The following RBFOX1 variants were observed in gnomAD, a reference collection of about 807,000 sequenced individuals.
RBFOX1 encodes RNA binding protein fox-1 homolog 1.
In RBFOX1, 8 loss-of-function variants were observed where a neutral mutation model predicts 57.7. The ratio of observed to expected loss-of-function variants is 0.14; its 90% CI spans 0.08 to 0.25. The LOEUF (loss-of-function observed/expected upper bound fraction) is 0.25, where lower values mean the gene tolerates loss of function less well. Ranked by LOEUF, RBFOX1 falls within the 10% of genes least tolerant of loss-of-function variation. The pLI is 1.00. For synonymous variants in RBFOX1, 326 were observed against 222.4 expected, an observed-to-expected ratio of 1.47 and a Z score of -4.15; for missense variants, 611 against 548.5, an observed-to-expected ratio of 1.11 and a Z score of -1.14.
intron 3 of RBFOX1, among the ~76,000 whole-genome samples, chr16:6,904,932 A>T (rs1198663796): frequency 6.6e-6 from 1 of 152,152 alleles, no homozygotes; most frequent in Non-Finnish European, 1.5e-5. Context: ...CAAAACTACA[A>T]TTTGCTGGGT....
At chr16:7,248,754 T>A (rs1283077189) in intron 4 of RBFOX1, among the ~76,000 whole-genome samples, 1 of 152,228 alleles carries the variant, frequency 6.6e-6, no homozygotes, top group Non-Finnish European at 1.5e-5. Flanking sequence ...TTATCATTAA[T>A]TGATTTTTCT....
chr16:6,141,275 C>G (rs9936388), intron 1 of RBFOX1, among the ~76,000 whole-genome samples: 4,781 of 152,278 alleles, frequency 0.031, 270 homozygotes, highest in African/African-American at 0.11. Flanking sequence ...CTCCCTAACA[C>G]TTTATGAGAT....
At chr16:7,709,278 C>A in intron 15 of RBFOX1, 147 bp downstream of exon 15, 2 of 941,538 alleles carry the variant, frequency 2.1e-6, no homozygotes, top group Non-Finnish European at 3.1e-6. Context: ...CCACATTAAT[C>A]CTCCCAGTAA....
intron 3 of RBFOX1, among the ~76,000 whole-genome samples, chr16:6,859,107 AAG>A (rs2142383638): frequency 4.1e-5 from 2 of 48,742 alleles, no homozygotes; most frequent in Non-Finnish European, 7.5e-5. Context: ...GTCCTAAAAA[AAG>A]TGTATATATA....
At chr16:6,107,720 T>TGG (rs2096398832) in intron 1 of RBFOX1, among the ~76,000 whole-genome samples, 3 of 79,374 alleles carry the variant, frequency 3.8e-5, no homozygotes, top group East Asian at 4.5e-4. Context: ...TGGATGGATT[T>TGG]GTGGGTGGGT....
At chr16:6,963,646 A>G (rs1317960866) in intron 3 of RBFOX1, among the ~76,000 whole-genome samples, 2 of 152,136 alleles carry the variant, frequency 1.3e-5, no homozygotes, top group African/African-American at 4.8e-5. Flanking sequence ...GCCAGAGATT[A>G]TGTGGGAGGG....
chr16:6,733,280 A>G (rs1434818660), intron 3 of RBFOX1, among the ~76,000 whole-genome samples: 1 of 152,148 alleles, frequency 6.6e-6, no homozygotes, highest in Non-Finnish European at 1.5e-5. Context: ...ATAGAAACAA[A>G]TATGACTTGG....
At chr16:7,421,915 A>G (rs752933318) in intron 4 of RBFOX1, among the ~76,000 whole-genome samples, 1 of 152,180 alleles carries the variant, frequency 6.6e-6, no homozygotes, top group Non-Finnish European at 1.5e-5. Context: ...TTCGGGTAGG[A>G]AGTGTACACA....
chr16:6,555,178 A>C (rs2097075266), intron 2 of RBFOX1, among the ~76,000 whole-genome samples: 1 of 152,156 alleles, frequency 6.6e-6, no homozygotes, highest in Non-Finnish European at 1.5e-5. Context: ...TACTCTTTTA[A>C]AATCAGGAGT....
At chr16:6,813,220 C>A (rs2089199417) in intron 3 of RBFOX1, among the ~76,000 whole-genome samples, 1 of 152,134 alleles carries the variant, frequency 6.6e-6, no homozygotes. Flanking sequence ...TGGCTAATTA[C>A]TGAAATTTAC....
At position 6,607,635 on chromosome 16, in the gene RBFOX1, C is replaced by G. The variant is rs191751716; in HGVS notation, c.-63-46968C>G. ...TTTCTCTCTCTTCTTCCTCCTCTAT[C>G]TCTCCTCTCTCTTTCTGTCTTCTTC... On this transcript the variant is annotated intron_variant, in intron 2 of 15. Coordinates refer to ENST00000550418, the MANE Select transcript of RBFOX1 (RefSeq NM_018723.4). Among the ~76,000 whole-genome samples, 52 of 151,940 alleles carry G rather than the reference C, an allele frequency of 3.4e-4. No individual in the cohort carries two copies. The Middle Eastern group carries it at 0.014, about 40-fold the overall frequency.
chr16:7,158,889 A>G (rs1457465663), intron 4 of RBFOX1, among the ~76,000 whole-genome samples: 1 of 151,970 alleles, frequency 6.6e-6, no homozygotes, highest in African/African-American at 2.4e-5. Context: ...GTGTCTTTGC[A>G]CACGTGTGTG....
At chr16:5,998,190 T>G (rs2060522988) in intron 4 of RBFOX1, among the ~76,000 whole-genome samples, 1 of 152,234 alleles carries the variant, frequency 6.6e-6, no homozygotes, top group African/African-American at 2.4e-5. Context: ...TGTTTTGTTC[T>G]GGGGAAAATT....
At chr16:5,997,731 C>T (rs1476552981) in intron 4 of RBFOX1, among the ~76,000 whole-genome samples, 1 of 152,202 alleles carries the variant, frequency 6.6e-6, no homozygotes, top group Non-Finnish European at 1.5e-5. Context: ...GCAAAATAAG[C>T]CTCATTCCCG....
intron 6 of RBFOX1, among the ~76,000 whole-genome samples, chr16:7,582,643 T>C (rs570909895): frequency 6.6e-6 from 1 of 152,310 alleles, no homozygotes. Context: ...TTTTGGGTCA[T>C]AGTTACTGCA....
intron 1 of RBFOX1, among the ~76,000 whole-genome samples, chr16:6,308,784 A>G (rs2079864875): frequency 6.6e-6 from 1 of 152,162 alleles, no homozygotes. Context: ...TGCTGTCTGG[A>G]ACAGCAGGTG....
chr16:5,841,688 A>G (rs1041949574), intron 3 of RBFOX1, among the ~76,000 whole-genome samples: 2 of 152,166 alleles, frequency 1.3e-5, no homozygotes, highest in African/African-American at 2.4e-5. Context: ...GGTGTCCTGT[A>G]TTTAGCTGGC....
chr16:7,677,860 G>A (rs1364186862), intron 14 of RBFOX1, among the ~76,000 whole-genome samples: 1 of 152,180 alleles, frequency 6.6e-6, no homozygotes, highest in South Asian at 2.1e-4. Flanking sequence ...AATGGGAAGC[G>A]TCAGCAGCCT....
At chr16:5,579,804 G>T (rs2046600432) in intron 2 of RBFOX1, among the ~76,000 whole-genome samples, 1 of 150,830 alleles carries the variant, frequency 6.6e-6, no homozygotes, top group Non-Finnish European at 1.5e-5. Flanking sequence ...CTGTTGCCTA[G>T]GCTGGGGTGC....
Sources: allele counts gnomAD v4.1 joint callset (sites outside exome capture counted in the v4.1 genomes callset), GRCh38; gene constraint gnomAD v4.1.1; transcripts MANE v1.5; gene names NCBI Gene and HGNC (gene_info 2026-07-23, HGNC 2026-07-21).